GPC6: variants seen among roughly 807,000 people sequenced by gnomAD.
The protein encoded by GPC6 is glypican 6.
GPC6 carries 14 observed loss-of-function variants against 55.2 expected under a neutral mutation model. The ratio of observed to expected loss-of-function variants is 0.25; its 90% CI spans 0.17 to 0.40. The LOEUF (loss-of-function observed/expected upper bound fraction) is 0.40. GPC6 is among the 10% of genes least tolerant of loss of function. The probability of loss-of-function intolerance (pLI) is 1.00; values close to 1 mark genes in which losing one functional copy is unlikely to be tolerated. For missense variants in GPC6, 641 were observed against 708.5 expected (o/e 0.90, Z 1.08); for synonymous variants, 278 against 259.6 (o/e 1.07, Z -0.68).
chr13:93,707,009 G>A (rs1005590421), intron 2 of GPC6, among the ~76,000 whole-genome samples: 1 of 151,756 alleles, frequency 6.6e-6, no homozygotes, highest in African/African-American at 2.4e-5. Flanking sequence ...ATGTGACCAG[G>A]AGCTATAGAA....
chr13:93,381,068 C>A (rs1875148492), intron 1 of GPC6, among the ~76,000 whole-genome samples: 1 of 152,058 alleles, frequency 6.6e-6, no homozygotes, highest in South Asian at 2.1e-4. Context: ...AGTCTTAAGA[C>A]TTAATTGATT....
intron 3 of GPC6, among the ~76,000 whole-genome samples, chr13:94,005,334 C>A (rs1404644364): frequency 6.6e-6 from 1 of 152,198 alleles, no homozygotes; most frequent in African/African-American, 2.4e-5. Flanking sequence ...CAGGCCTCCA[C>A]TGATAATCCT....
chr13:93,880,972 T>C (rs116298960), intron 3 of GPC6, among the ~76,000 whole-genome samples: 136 of 152,074 alleles, frequency 8.9e-4, no homozygotes, highest in African/African-American at 3.2e-3. Flanking sequence ...GTCAACAGTA[T>C]AAAAATCCAC....
chr13:93,494,914 C>T (rs980315883), intron 1 of GPC6, among the ~76,000 whole-genome samples: 1 of 148,226 alleles, frequency 6.7e-6, no homozygotes, highest in African/African-American at 2.5e-5. Flanking sequence ...GATGGGCTTC[C>T]CTTTGAGGGT....
At chr13:93,484,013 C>T (rs918048372) in intron 1 of GPC6, among the ~76,000 whole-genome samples, 2 of 152,036 alleles carry the variant, frequency 1.3e-5, no homozygotes, top group East Asian at 1.9e-4. Flanking sequence ...CTTGTTTAGA[C>T]TCTTAGAGCA....
chr13:94,053,871 C>T (rs1437798792), intron 4 of GPC6, among the ~76,000 whole-genome samples: 1 of 151,958 alleles, frequency 6.6e-6, no homozygotes, highest in African/African-American at 2.4e-5. Context: ...AGAAAAGCTA[C>T]CTAGTTTAAC....
chr13:93,393,125 TATAGAGAGAGAG>T (rs1346721157), intron 1 of GPC6, among the ~76,000 whole-genome samples: 37 of 96,746 alleles, frequency 3.8e-4, no homozygotes, highest in South Asian at 7.9e-4. Flanking sequence ...TATATATATA[TATAGAGAGAGAG>T]AGAGAGAGAG....
intron 1 of GPC6, among the ~76,000 whole-genome samples, chr13:93,453,857 G>A (rs1878324257): frequency 6.6e-6 from 1 of 152,076 alleles, no homozygotes; most frequent in South Asian, 2.1e-4. Context: ...AAGAGCAAAA[G>A]AACAAAGCTT....
At chr13:94,344,841 C>T (rs553304011) in intron 6 of GPC6, among the ~76,000 whole-genome samples, 1 of 152,248 alleles carries the variant, frequency 6.6e-6, no homozygotes, top group Admixed American at 6.5e-5. Context: ...TAGTGGAAGC[C>T]CATGGTACTT....
At chr13:93,909,525 GTGAGTAACAAA>G (rs1323310112) in intron 3 of GPC6, among the ~76,000 whole-genome samples, 1 of 152,110 alleles carries the variant, frequency 6.6e-6, no homozygotes, top group Non-Finnish European at 1.5e-5. Flanking sequence ...CGTGAAAACT[GTGAGTAACAAA>G]TGGGAATTTC....
At position 93,939,581 on chromosome 13, in the gene GPC6, A is replaced by C. The variant is rs370786079; in HGVS notation, c.712-88148A>C. ...TCAATTATTTATCTCAGTTCATATT[A>C]GCTGAAATGACAGATGAGCCACAGA... On this transcript the variant is annotated intron_variant, in intron 3 of 8. Transcript: ENST00000377047. Among the ~76,000 whole-genome samples, 246 of 152,162 alleles carry C rather than the reference A, an allele frequency of 1.6e-3. 10 individuals are homozygous for C. The South Asian group carries it at 0.049, about 30-fold the overall frequency.
At chr13:94,299,334 A>G (rs1875516932) in intron 5 of GPC6, among the ~76,000 whole-genome samples, 2 of 152,244 alleles carry the variant, frequency 1.3e-5, no homozygotes, top group Admixed American at 1.3e-4. Context: ...AGAACATTGT[A>G]ACCCCAAGGT....
In GPC6 at chr13:93,548,133, A is replaced by G. The variant is rs1013686378; in HGVS notation, c.319+2712A>G. 7.2e-5 allele frequency among the ~76,000 whole-genome samples: 11 copies of G among 152,232 alleles called. No homozygotes were observed. In the South Asian group the frequency reaches 8.3e-4, roughly 11 times the overall value. Reference sequence around the variant, plus strand: ...ACCAATGGTACTATAAAAGACTTTGAGTTTATTTTTAGTAACTTCCTATTT... The same window carrying G: ...ACCAATGGTACTATAAAAGACTTTGGGTTTATTTTTAGTAACTTCCTATTT... On this transcript the variant is annotated intron_variant, in intron 2 of 8. Transcript: ENST00000377047.
chr13:94,343,660 C>T (rs1462575219), intron 6 of GPC6, among the ~76,000 whole-genome samples: 3 of 152,138 alleles, frequency 2.0e-5, no homozygotes, highest in African/African-American at 7.2e-5. Flanking sequence ...ACAACAGAGG[C>T]ACAGGAAATA....
intron 1 of GPC6, among the ~76,000 whole-genome samples, chr13:93,445,505 G>A (rs1877967775): frequency 6.6e-6 from 1 of 152,152 alleles, no homozygotes; most frequent in Non-Finnish European, 1.5e-5. Context: ...TATTCAAGAG[G>A]CTCAAACTTC....
intron 3 of GPC6, among the ~76,000 whole-genome samples, chr13:93,860,826 A>G (rs1291014482): frequency 1.3e-5 from 2 of 151,732 alleles, no homozygotes; most frequent in Non-Finnish European, 3.0e-5. Context: ...TAACTATTAT[A>G]TAACAGCAAT....
chr13:93,724,178 A>G (rs11840048), intron 2 of GPC6, among the ~76,000 whole-genome samples: 3,116 of 152,058 alleles, frequency 0.02, 98 homozygotes, highest in African/African-American at 0.069. Context: ...TTCCCTGACT[A>G]AATTTTCCCA....
At chr13:93,598,489 TATTTTCACGTAC>T (rs946578464) in intron 2 of GPC6, among the ~76,000 whole-genome samples, 1 of 152,208 alleles carries the variant, frequency 6.6e-6, no homozygotes, top group Non-Finnish European at 1.5e-5. Flanking sequence ...ACTTAATGAG[TATTTTCACGTAC>T]ATTGTCACAT....
At chr13:94,098,475 C>T (rs1885741728) in intron 4 of GPC6, among the ~76,000 whole-genome samples, 3 of 152,046 alleles carry the variant, frequency 2.0e-5, no homozygotes, top group South Asian at 4.1e-4. Flanking sequence ...CAATATCATC[C>T]TTTTCTTTTG....
Sources: allele counts gnomAD v4.1 joint callset (sites outside exome capture counted in the v4.1 genomes callset), GRCh38; gene constraint gnomAD v4.1.1; transcripts MANE v1.5; gene names NCBI Gene and HGNC (gene_info 2026-07-23, HGNC 2026-07-21).